The following PTPRT variants were observed in gnomAD, a reference collection of about 807,000 sequenced individuals.
PTPRT encodes the protein receptor-type tyrosine-protein phosphatase T.
In PTPRT, 56 loss-of-function variants were observed where a neutral mutation model predicts 176.8. The observed-to-expected ratio is 0.32, with a 90% confidence interval of 0.26 to 0.40. The LOEUF is 0.40. PTPRT is among the 10% of genes least tolerant of loss of function. The probability of loss-of-function intolerance (pLI) is 1.00; values close to 1 mark genes in which losing one functional copy is unlikely to be tolerated. For synonymous variants in PTPRT, 783 were observed against 739.0 expected, an observed-to-expected ratio of 1.06 and a Z score of -0.96; for missense variants, 1,540 against 1,908.2, an observed-to-expected ratio of 0.81 and a Z score of 3.60.
intron 6 of PTPRT, among the ~76,000 whole-genome samples, chr20:42,709,413 G>A (rs767860457): frequency 1.3e-5 from 2 of 152,158 alleles, no homozygotes; most frequent in Non-Finnish European, 2.9e-5. Context: ...AAGAGCCTAG[G>A]ACTTTTCTTC....
intron 9 of PTPRT, among the ~76,000 whole-genome samples, chr20:42,415,526 T>C (rs2059058080): frequency 6.6e-6 from 1 of 152,160 alleles, no homozygotes; most frequent in African/African-American, 2.4e-5. Flanking sequence ...TGCTCTGCCT[T>C]TCTGGAAAAC....
chr20:42,817,327 A>C (rs1053689331), intron 2 of PTPRT, among the ~76,000 whole-genome samples: 9 of 151,152 alleles, frequency 6.0e-5, no homozygotes, highest in African/African-American at 2.2e-4. Flanking sequence ...TTAAACATGA[A>C]CCCTTCTGAG....
At chr20:42,349,471 G>C (rs946948216) in intron 11 of PTPRT, among the ~76,000 whole-genome samples, 1 of 152,134 alleles carries the variant, frequency 6.6e-6, no homozygotes, top group African/African-American at 2.4e-5. Context: ...ACGACACACT[G>C]TACTGTAATT....
chr20:42,705,016 A>C (rs1306660351), intron 6 of PTPRT, among the ~76,000 whole-genome samples: 3 of 151,608 alleles, frequency 2.0e-5, no homozygotes, highest in African/African-American at 7.3e-5. Flanking sequence ...GACCAGCCTG[A>C]CCAACATGGA....
At chr20:42,088,429 T>G (rs1984248043) in intron 27 of PTPRT, among the ~76,000 whole-genome samples, 2 of 152,184 alleles carry the variant, frequency 1.3e-5, no homozygotes. Flanking sequence ...AGAAGTCACA[T>G]GTGAAAATAC....
chr20:42,587,219 G>C (rs906086881), intron 7 of PTPRT, among the ~76,000 whole-genome samples: 1 of 152,132 alleles, frequency 6.6e-6, no homozygotes, highest in Non-Finnish European at 1.5e-5. Context: ...AGCCCATACT[G>C]CAACTGAGGT....
In PTPRT at chr20:43,131,039, A is replaced by C. The variant is rs559781118; in HGVS notation, c.88+58607T>G. Among the ~76,000 whole-genome samples the C allele has an allele frequency of 3.9e-5, 6 of 152,358 alleles. No individual in the cohort carries two copies. In the South Asian group the frequency reaches 1.2e-3, roughly 32 times the overall value. On this transcript the variant is annotated intron_variant, in intron 1 of 30. Transcript: ENST00000373187. ...CATGTGTCACCAGTCTGCACCTATC[A>C]GGACGCAGGTAGAAACACATTAACA...
At chr20:42,947,554 G>A (rs932657385) in intron 1 of PTPRT, among the ~76,000 whole-genome samples, 1 of 152,086 alleles carries the variant, frequency 6.6e-6, no homozygotes, top group Admixed American at 6.5e-5. Context: ...AAACAATATC[G>A]CAATGTTTGA....
chr20:42,139,718 G>A (rs982741078), intron 18 of PTPRT, among the ~76,000 whole-genome samples: 5 of 152,222 alleles, frequency 3.3e-5, no homozygotes, highest in Non-Finnish European at 7.3e-5. Flanking sequence ...CAGAGTCTCA[G>A]GCATAGGCTT....
intron 6 of PTPRT, among the ~76,000 whole-genome samples, chr20:42,694,445 T>C (rs2075841835): frequency 6.6e-6 from 1 of 152,232 alleles, no homozygotes; most frequent in South Asian, 2.1e-4. Context: ...GTTTAACCAT[T>C]CTCCCGTTAA....
intron 1 of PTPRT, among the ~76,000 whole-genome samples, chr20:43,041,340 G>C (rs1362792601): frequency 2.6e-5 from 4 of 152,164 alleles, no homozygotes; most frequent in Non-Finnish European, 5.9e-5. Context: ...TACAAATAAT[G>C]TTCTTAAATG....
At chr20:42,252,665 T>C (rs1175642808) in intron 13 of PTPRT, among the ~76,000 whole-genome samples, 1 of 152,166 alleles carries the variant, frequency 6.6e-6, no homozygotes, top group African/African-American at 2.4e-5. Flanking sequence ...GGATGAGTAT[T>C]AGAAAAATTT....
chr20:43,167,915 T>C (rs2014897496), intron 1 of PTPRT, among the ~76,000 whole-genome samples: 1 of 152,228 alleles, frequency 6.6e-6, no homozygotes, highest in South Asian at 2.1e-4. Flanking sequence ...TACAGCCTTA[T>C]GACAGATGTT....
At chr20:42,542,345 T>C (rs910672059) in intron 7 of PTPRT, among the ~76,000 whole-genome samples, 3 of 152,210 alleles carry the variant, frequency 2.0e-5, no homozygotes, top group Admixed American at 6.5e-5. Flanking sequence ...AAACAAACCT[T>C]ATTTATTAAT....
intron 1 of PTPRT, among the ~76,000 whole-genome samples, chr20:42,986,805 G>T (rs1404276883): frequency 6.6e-6 from 1 of 152,086 alleles, no homozygotes; most frequent in African/African-American, 2.4e-5. Context: ...CTCCACACCC[G>T]ACTGTGAAGA....
At chr20:43,163,761 C>A (rs964649457) in intron 1 of PTPRT, among the ~76,000 whole-genome samples, 1 of 152,150 alleles carries the variant, frequency 6.6e-6, no homozygotes, top group Non-Finnish European at 1.5e-5. Flanking sequence ...GAAAAATTAT[C>A]CAAAGATATA....
intron 7 of PTPRT, among the ~76,000 whole-genome samples, chr20:42,624,726 T>A (rs2145869404): frequency 6.6e-6 from 1 of 152,316 alleles, no homozygotes; most frequent in South Asian, 2.1e-4. Context: ...CAGCTGCAAA[T>A]CATAGTTAAT....
At chr20:42,860,707 A>G (rs1342604792) in intron 2 of PTPRT, among the ~76,000 whole-genome samples, 1 of 152,134 alleles carries the variant, frequency 6.6e-6, no homozygotes, top group Non-Finnish European at 1.5e-5. Context: ...ATTTTTGTAT[A>G]TTTATTCCCT....
At chr20:43,074,833 AT>A (rs944417990) in intron 1 of PTPRT, among the ~76,000 whole-genome samples, 33 of 152,208 alleles carry the variant, frequency 2.2e-4, no homozygotes, top group African/African-American at 8.0e-4. Flanking sequence ...CCACTAGAAA[AT>A]GGAAGGATAT....
Sources: allele counts gnomAD v4.1 joint callset (sites outside exome capture counted in the v4.1 genomes callset), GRCh38; gene constraint gnomAD v4.1.1; transcripts MANE v1.5; gene names NCBI Gene and HGNC (gene_info 2026-07-23, HGNC 2026-07-21).